Variants in IQCH observed in about 807,000 individuals in gnomAD.
The protein encoded by IQCH is IQ domain-containing protein H.
A neutral mutation model predicts 117.0 loss-of-function variants in IQCH; 98 were observed. The observed-to-expected ratio is 0.84, with a 90% CI of 0.71 to 0.99. The LOEUF is 0.99. Ranked by LOEUF, IQCH falls within the 50% of genes least tolerant of loss-of-function variation. The probability of loss-of-function intolerance (pLI) is 0.00; values close to 1 mark genes in which losing one functional copy is unlikely to be tolerated. For missense variants in IQCH, 1,102 were observed against 1,243.8 expected (o/e 0.89, Z 1.72); for synonymous variants, 412 against 448.2 (o/e 0.92, Z 1.02).
intron 4 of IQCH, among the ~76,000 whole-genome samples, chr15:67,320,420 C>A (rs574062571): frequency 6.6e-6 from 1 of 152,274 alleles, no homozygotes; most frequent in South Asian, 2.1e-4. Flanking sequence ...CATGTGGTAT[C>A]AAGTATACAC....
intron 4 of IQCH, among the ~76,000 whole-genome samples, chr15:67,284,871 GGT>G (rs1966502332): frequency 1.3e-5 from 2 of 152,048 alleles, no homozygotes. Context: ...TGGATATTTG[GGT>G]TGATTCCATG....
Position 67,255,051 on chromosome 15 carries a change from C to G in IQCH, c.51+104C>G, listed in dbSNP as rs555020732. 8.9e-5 allele frequency: 99 copies of G among 1,114,704 alleles called. No homozygotes were observed. In the African/African-American group the frequency reaches 1.3e-3, roughly 15 times the overall value. 69.1% of individuals were successfully genotyped at this position (1,114,704 alleles called of 1,614,324 possible). A position where few individuals can be genotyped will look rare whatever the true frequency, so the allele number is the denominator to read the frequency against. Reference sequence around the variant, plus strand: ...ACGCTCACCCATTTGGTGCGCCGCCCCTAGACTCCCTCCAACTCGCGAGAG... The same window carrying G: ...ACGCTCACCCATTTGGTGCGCCGCCGCTAGACTCCCTCCAACTCGCGAGAG... On this transcript the variant is annotated intron_variant, in intron 1 of 20. Coordinates refer to ENST00000335894, the MANE Select transcript of IQCH (RefSeq NM_001031715.3).
At chr15:67,353,140 A>C (rs1969737746) in intron 6 of IQCH, among the ~76,000 whole-genome samples, 1 of 151,328 alleles carries the variant, frequency 6.6e-6, no homozygotes, top group Non-Finnish European at 1.5e-5. Context: ...AGCGAGACTC[A>C]GTCTCAAAAA....
rs140457383 is a variant in IQCH, at chr15:67,381,896, A to T, written c.1373-3040A>T. ...ATTGAGAGGCTGAGGTGGGAGGATC[A>T]CTTGAGCCCAGGAGGTTGAGGCTGC... On this transcript the variant is annotated intron_variant, in intron 10 of 20. Transcript: ENST00000335894. The surrounding 1 kb of genome is among the most constrained non-coding windows in gnomAD (Gnocchi z 5.1). 5.0e-3 allele frequency among the ~76,000 whole-genome samples: 757 copies of T among 152,042 alleles called. 7 individuals are homozygous for T. Among genetic ancestry groups the T allele is most frequent in the African/African-American group, 0.017 (724 of 41,484 alleles).
intron 9 of IQCH, among the ~76,000 whole-genome samples, 175 bp downstream of exon 9, chr15:67,372,837 G>T (rs959790198): frequency 2.6e-5 from 4 of 151,646 alleles, no homozygotes; most frequent in African/African-American, 9.7e-5. Flanking sequence ...ACATTTGTTT[G>T]TGCATCATAG....
chr15:67,414,112 G>C (rs2140901212), intron 14 of IQCH, among the ~76,000 whole-genome samples: 1 of 152,300 alleles, frequency 6.6e-6, no homozygotes, highest in South Asian at 2.1e-4. Flanking sequence ...AAGAATTTGT[G>C]GTTCTTTAGC....
intron 8 of IQCH, among the ~76,000 whole-genome samples, chr15:67,371,696 C>G (rs1352125846): frequency 6.6e-6 from 1 of 152,178 alleles, no homozygotes; most frequent in Non-Finnish European, 1.5e-5. Flanking sequence ...CGAAGAAAGG[C>G]TTCGCCCTGT....
At position 67,425,472 on chromosome 15, in the gene IQCH, C is replaced by T. The variant is rs1185685169; in HGVS notation, c.2505+3895C>T. 1.3e-5 allele frequency among the ~76,000 whole-genome samples: 2 copies of T among 152,050 alleles called. No individual in the cohort carries two copies. The highest frequency in any genetic ancestry group is 4.8e-5 in the African/African-American group (2 of 41,392). On this transcript the variant is annotated intron_variant, in intron 16 of 20. Transcript: ENST00000335894. The surrounding 1 kb of genome is among the most constrained non-coding windows in gnomAD (Gnocchi z 5.5). ...ACTAAAAATACAAAAATTAGCTGGG[C>T]GTGGTGGCATGTGCCTGTAGTCCCA...
At chr15:67,313,644 A>G (rs754929699) in intron 4 of IQCH, among the ~76,000 whole-genome samples, 41 of 152,182 alleles carry the variant, frequency 2.7e-4, no homozygotes, top group Non-Finnish European at 4.7e-4. Context: ...AGCTTTGCCT[A>G]ATCAAGTTGT....
intron 12 of IQCH, among the ~76,000 whole-genome samples, chr15:67,394,971 G>T (rs1363717477): frequency 6.6e-6 from 1 of 152,092 alleles, no homozygotes; most frequent in African/African-American, 2.4e-5. Context: ...CAGAAGTGTT[G>T]CAGAGATGAC....
intron 16 of IQCH, among the ~76,000 whole-genome samples, chr15:67,442,118 CAT>C (rs763510554): frequency 6.6e-6 from 1 of 152,040 alleles, no homozygotes; most frequent in Admixed American, 6.6e-5. Context: ...GGCCAATAAA[CAT>C]ATGAAAAAGG....
rs575260212 is a variant in IQCH, at chr15:67,432,395, T to G, written c.2505+10818T>G. Among the ~76,000 whole-genome samples the G allele has an allele frequency of 1.9e-4, 29 of 152,292 alleles. No individual in the cohort carries two copies. The highest frequency in any genetic ancestry group is 6.8e-3 in the Middle Eastern group (2 of 294). On this transcript the variant is annotated intron_variant, in intron 16 of 20. Transcript: ENST00000335894. This position sits in a 1 kb window ranked among gnomAD's most constrained non-coding sequence, Gnocchi z 5.0. ...AGAATAAAAAAAAATCTGAAAATAT[T>G]TTCATTGCAATGGCAATGGGTTCTG...
Position 67,405,253 on chromosome 15 carries a change from T to C in IQCH, c.2097+4948T>C, listed in dbSNP as rs990229665. ...AATGATTATTGTTCACTTGTTTTTA[T>C]ATTTATTTTTATATGTTGAAATCTT... On this transcript the variant is annotated intron_variant, in intron 14 of 20. Transcript: ENST00000335894. The surrounding 1 kb of genome is among the most constrained non-coding windows in gnomAD (Gnocchi z 4.8). 6 of 152,228 alleles carry C rather than the reference T, an allele frequency of 3.9e-5. No individual in the cohort carries two copies. Among genetic ancestry groups the C allele is most frequent in the Non-Finnish European group, 7.3e-5 (5 of 68,030 alleles). 9.4% of individuals were successfully genotyped at this position (152,228 alleles called of 1,614,324 possible).
chr15:67,343,823 T>C (rs1969271627), intron 5 of IQCH, among the ~76,000 whole-genome samples: 2 of 152,214 alleles, frequency 1.3e-5, no homozygotes, highest in Admixed American at 6.5e-5. Flanking sequence ...ATGAAATTAC[T>C]TTAGTGCAAT....
At position 67,463,962 on chromosome 15, in the gene IQCH, C is replaced by T. The variant is rs2082867615; in HGVS notation, c.2506-1165C>T. ...GGTTCAAGCGATTCTCGTGCCTCAG[C>T]CTCCCAAGTATCTGAGATTACAGGC... On this transcript the variant is annotated intron_variant, in intron 16 of 20. Coordinates refer to ENST00000335894, the MANE Select transcript of IQCH (RefSeq NM_001031715.3). The surrounding 1 kb of genome is among the most constrained non-coding windows in gnomAD (Gnocchi z 4.0). Among the ~76,000 whole-genome samples the T allele has an allele frequency of 6.6e-6, 1 of 152,270 alleles. No individual in the cohort carries two copies. Among genetic ancestry groups the T allele is most frequent in the East Asian group, 1.9e-4 (1 of 5,194 alleles).
intron 1 of IQCH, among the ~76,000 whole-genome samples, chr15:67,258,268 G>A (rs1567042499): frequency 1.3e-5 from 2 of 151,318 alleles, no homozygotes; most frequent in Admixed American, 6.6e-5. Context: ...GGTGGCTCAT[G>A]CCTGTAATCC....
rs753018232 is a variant in IQCH at position 67,389,007 on chromosome 15, G to C, written c.1632+1G>C. 1.2e-5 allele frequency: 19 copies of C among 1,609,992 alleles called. No homozygotes were observed. The Admixed American group carries it at 1.5e-4, about 13-fold the overall frequency. On this transcript the variant is annotated splice_donor_variant, in intron 12 of 20. Coordinates refer to ENST00000335894, the MANE Select transcript of IQCH (RefSeq NM_001031715.3). LOFTEE classifies it high-confidence loss of function. ...ACCTGAAGCTGTAAACATCTTCCCTGTGAGTTTGTGTTCTAATTACTATGG... is the reference window on the plus strand; with the variant it reads ...ACCTGAAGCTGTAAACATCTTCCCTCTGAGTTTGTGTTCTAATTACTATGG...
At chr15:67,461,448 T>C (rs1486413839) in intron 16 of IQCH, among the ~76,000 whole-genome samples, 2 of 152,178 alleles carry the variant, frequency 1.3e-5, no homozygotes, top group Admixed American at 6.5e-5. Flanking sequence ...GACAAAGACT[T>C]GGCAGCATCC....
In IQCH at chr15:67,474,463, G is replaced by A. The variant is rs974692202; in HGVS notation, c.2677-1233G>A. Among the ~76,000 whole-genome samples the A allele has an allele frequency of 1.3e-5, 2 of 152,108 alleles. No individual in the cohort carries two copies. Among genetic ancestry groups the A allele is most frequent in the Non-Finnish European group, 2.9e-5 (2 of 68,036 alleles). On this transcript the variant is annotated intron_variant, in intron 17 of 20. Transcript: ENST00000335894. This position sits in a 1 kb window ranked among gnomAD's most constrained non-coding sequence, Gnocchi z 4.1. ...TAGAGAAAAACAGCTGATTGACTAAGGCAAATATCACATCTCAAAAAGAAC... is the reference window on the plus strand; with the variant it reads ...TAGAGAAAAACAGCTGATTGACTAAAGCAAATATCACATCTCAAAAAGAAC...
Sources: allele counts gnomAD v4.1 joint callset (sites outside exome capture counted in the v4.1 genomes callset), GRCh38; gene constraint gnomAD v4.1.1; non-coding constraint Gnocchi (gnomAD v3.1); transcripts MANE v1.5; gene names NCBI Gene and HGNC (gene_info 2026-07-23, HGNC 2026-07-21).